The following PPFIA1 variants were observed in gnomAD, a reference collection of about 807,000 sequenced individuals.
PPFIA1 encodes PPFI scaffold protein A1.
PPFIA1 carries 25 observed loss-of-function variants against 149.9 expected under a neutral mutation model. That is an observed-to-expected ratio of 0.17 (90% CI 0.12 to 0.23). The LOEUF (loss-of-function observed/expected upper bound fraction) is 0.23. PPFIA1 is among the 10% of genes least tolerant of loss of function. The pLI, the probability that PPFIA1 is intolerant of heterozygous loss-of-function variation, is 1.00. For missense variants in PPFIA1, 1,362 were observed against 1,506.5 expected (o/e 0.90, Z 1.59); for synonymous variants, 549 against 552.8 (o/e 0.99, Z 0.10).
At chr11:70,294,671 T>C (rs2051774618) in intron 2 of PPFIA1, among the ~76,000 whole-genome samples, 1 of 151,748 alleles carries the variant, frequency 6.6e-6, no homozygotes, top group African/African-American at 2.4e-5. Context: ...AACAAAGGTC[T>C]CTGGTTTTCC....
intron 17 of PPFIA1, among the ~76,000 whole-genome samples, chr11:70,355,106 T>C (rs924387925): frequency 4.6e-5 from 7 of 152,132 alleles, no homozygotes; most frequent in African/African-American, 1.7e-4. Context: ...GGTTTCACCA[T>C]GCTGGCCAGG....
chr11:70,365,263 T>A (rs918058910), intron 21 of PPFIA1: 9 of 380,490 alleles, frequency 2.4e-5, no homozygotes, highest in African/African-American at 1.9e-4. Context: ...AAGAGCGAAC[T>A]TTGCCTCCTC....
Position 70,362,278 on chromosome 11 carries a change from C to G in PPFIA1, c.2665-10C>G. The G allele has an allele frequency of 6.2e-7, 1 of 1,613,988 alleles. No individual in the cohort carries two copies. The highest frequency in any genetic ancestry group is 8.5e-7 in the Non-Finnish European group (1 of 1,179,858). ...CACTGTGCTGCCTTCCTTCCGCTTT[C>G]CGCCTCCAGCTCTGGGTTGGGATGC... On this transcript the variant is annotated splice_polypyrimidine_tract_variant and intron_variant, in intron 20 of 27. Transcript: ENST00000253925.
rs554771639 is a variant in PPFIA1 at position 70,355,401 on chromosome 11, G to A, written c.2316-238G>A. 1.4e-4 allele frequency among the ~76,000 whole-genome samples: 21 copies of A among 152,288 alleles called. No individual in the cohort carries two copies. The East Asian group carries it at 3.3e-3, about 24-fold the overall frequency. On this transcript the variant is annotated intron_variant, in intron 17 of 27. Transcript: ENST00000253925. ...CCATTGGGCTTTGGCACCTGATGGC[G>A]CGGAGTCAGGGCCTCCCCTGAAGGG...
At chr11:70,338,347 T>A in intron 12 of PPFIA1, 27 bp from the exon 13 acceptor site, 1 of 1,556,698 alleles carries the variant, frequency 6.4e-7, no homozygotes, top group South Asian at 1.1e-5. Flanking sequence ...GAGATAGCAG[T>A]AATGTAAGTC....
chr11:70,343,587 A>C (rs2055488089), intron 14 of PPFIA1, 82 bp from the exon 15 acceptor site: 2 of 1,278,778 alleles, frequency 1.6e-6, no homozygotes, highest in Non-Finnish European at 2.2e-6. Flanking sequence ...TCATTAAAGA[A>C]TTCCTAAATT....
In PPFIA1 at chr11:70,372,568, ATAAAAGGT is replaced by A; in HGVS notation, c.3136_3139+4del. 1 of 1,608,168 alleles carries A rather than the reference ATAAAAGGT, an allele frequency of 6.2e-7. No homozygotes were observed. Among genetic ancestry groups the A allele is most frequent in the Non-Finnish European group, 8.5e-7 (1 of 1,175,612 alleles). On this transcript the variant is annotated splice_donor_variant and coding_sequence_variant, in exon 23 of 28. Transcript: ENST00000253925. LOFTEE classifies it high-confidence loss of function. ...AAAAAGAGAAGAAAGTCAGAGTGAA[ATAAAAGGT>A]TAGTACATGACATTTAATTGATTCG... is the stretch of plus-strand genomic sequence containing the variant.
At chr11:70,279,174 A>G in intron 2 of PPFIA1, 2 of 453,508 alleles carry the variant, frequency 4.4e-6, no homozygotes, top group Non-Finnish European at 4.1e-6. Flanking sequence ...TCCAGGACTG[A>G]TTGTCCTAGA....
At position 70,335,704 on chromosome 11, in the gene PPFIA1, A is replaced by G; in HGVS notation, c.1428+10A>G. The G allele has an allele frequency of 1.9e-6, 3 of 1,613,582 alleles. No homozygotes were observed. Among genetic ancestry groups the G allele is most frequent in the Non-Finnish European group, 2.5e-6 (3 of 1,179,698 alleles). ...TGCTTTGGAAGATAAGGTAAGTTAG[A>G]TAACACGGACATGCTGGAGCTTTCC... On this transcript the variant is annotated intron_variant, in intron 11 of 27. Transcript: ENST00000253925.
chr11:70,282,522 T>TA (rs2050822278), intron 2 of PPFIA1: 1 of 72,422 alleles, frequency 1.4e-5, no homozygotes, highest in African/African-American at 7.1e-5. Context: ...GTGCTGATTT[T>TA]TTTTTTTTTT....
At chr11:70,333,297 G>A (rs2054780651) in intron 9 of PPFIA1, among the ~76,000 whole-genome samples, 173 bp from the exon 10 acceptor site, 1 of 152,220 alleles carries the variant, frequency 6.6e-6, no homozygotes, top group African/African-American at 2.4e-5. Flanking sequence ...CCACCTCATG[G>A]CCCAGCACGT....
At chr11:70,346,825 G>A (rs1324596215) in intron 15 of PPFIA1, among the ~76,000 whole-genome samples, 1 of 152,166 alleles carries the variant, frequency 6.6e-6, no homozygotes, top group Non-Finnish European at 1.5e-5. Flanking sequence ...TCTTAGAAAT[G>A]TAAGTAGAAC....
intron 2 of PPFIA1, among the ~76,000 whole-genome samples, chr11:70,291,953 T>G (rs1163754665): frequency 6.6e-6 from 1 of 150,534 alleles, no homozygotes; most frequent in Admixed American, 6.7e-5. Context: ...TTCTCCTGCC[T>G]CAGCCTCCCG....
At chr11:70,330,027 G>A (rs1036963592) in intron 7 of PPFIA1, 146 bp from the exon 8 acceptor site, 31 of 664,702 alleles carry the variant, frequency 4.7e-5, no homozygotes, top group Non-Finnish European at 6.4e-5. Flanking sequence ...GATTATAGGA[G>A]TGAGCTGCTG....
chr11:70,298,512 C>G (rs2052248601), intron 2 of PPFIA1, among the ~76,000 whole-genome samples: 2 of 152,300 alleles, frequency 1.3e-5, no homozygotes, highest in South Asian at 4.1e-4. Flanking sequence ...GTTCCCCAAA[C>G]TATTTTTACT....
At position 70,375,019 on chromosome 11, in the gene PPFIA1, C is replaced by T. The variant is rs1024457838; in HGVS notation, c.3241C>T (p.Leu1081Phe). 2.5e-6 allele frequency: 4 copies of T among 1,613,826 alleles called. No homozygotes were observed. The highest frequency in any genetic ancestry group is 1.3e-5 in the African/African-American group (1 of 74,900). ...TATAGAGAGTGGTGTTCACGGAGCA[C>T]TTCTGGCCTTAGATGAAACCTTCGA... ...NLIESGVHGALLALDETFDFS... is the reference protein window; with the variant it reads ...NLIESGVHGAFLALDETFDFS... Residue 1081 changes from leucine to phenylalanine, a missense_variant, in exon 24 of 28, where the codon CTT becomes TTT. Physicochemically the swap from Leu to Phe is conservative, Grantham distance 22. Around this residue, in one of 7 missense-constraint regions of PPFIA1, gnomAD observed 349 missense variants for 373.3 expected, o/e 0.93. Coordinates refer to ENST00000253925, the MANE Select transcript of PPFIA1 (RefSeq NM_003626.5).
Position 70,378,231 on chromosome 11 carries a change from G to A in PPFIA1, c.3550+36G>A, listed in dbSNP as rs148458300. Reference sequence around the variant, plus strand: ...GGTCACACTAACCTGTCACTTGTTGGGAGCATGAGCAGCTTTCTGTCTGGA... The same window carrying A: ...GGTCACACTAACCTGTCACTTGTTGAGAGCATGAGCAGCTTTCTGTCTGGA... On this transcript the variant is annotated intron_variant, in intron 26 of 27. Transcript: ENST00000253925. 3.4e-5 allele frequency: 54 copies of A among 1,592,528 alleles called. No homozygotes were observed. The East Asian group carries it at 9.9e-4, about 29-fold the overall frequency.
intron 26 of PPFIA1, among the ~76,000 whole-genome samples, chr11:70,379,717 A>G (rs978016112): frequency 5.3e-5 from 8 of 152,048 alleles, no homozygotes; most frequent in Admixed American, 3.9e-4. Flanking sequence ...GTTCTCTATC[A>G]CCTGTATAAA....
intron 2 of PPFIA1, among the ~76,000 whole-genome samples, chr11:70,317,946 G>A (rs571474053): frequency 1.1e-4 from 17 of 152,182 alleles, no homozygotes; most frequent in Non-Finnish European, 2.2e-4. Context: ...TCCTGGGACC[G>A]ACAGTCCTAG....
Sources: gnomAD v4.1 joint callset for allele counts (sites outside exome capture counted in the v4.1 genomes callset) on GRCh38, gnomAD v4.1.1 for gene constraint, gnomAD v4.1.1 regional missense constraint, MANE v1.5 for transcripts, NCBI Gene and HGNC (gene_info 2026-07-23, HGNC 2026-07-21) for gene names.